Variants in KAT2B observed in about 807,000 individuals in gnomAD.
KAT2B encodes histone acetyltransferase KAT2B.
In KAT2B, 36 loss-of-function variants were observed where a neutral mutation model predicts 105.9. That is an observed-to-expected ratio of 0.34 (90% confidence interval 0.26 to 0.45). The LOEUF (loss-of-function observed/expected upper bound fraction) is 0.45. Ranked by LOEUF, KAT2B falls within the 20% of genes least tolerant of loss-of-function variation. KAT2B has a pLI of 1.00. For synonymous variants in KAT2B, 397 were observed against 377.9 expected (o/e 1.05, Z -0.59); for missense variants, 820 against 1,021.6 (o/e 0.80, Z 2.69).
In KAT2B at chr3:20,122,738, T is replaced by G. The variant is rs377475879; in HGVS notation, c.1347T>G (p.Ile449Met). 23 of 1,613,902 alleles carry G rather than the reference T, an allele frequency of 1.4e-5. No individual in the cohort carries two copies. The highest frequency in any genetic ancestry group is 1.9e-5 in the Non-Finnish European group (22 of 1,179,932). ...AGAAACCCCGAGTTATGGGGGATATTCCGATGGAATTAATCAACGAGGTTA... is the reference window on the plus strand; with the variant it reads ...AGAAACCCCGAGTTATGGGGGATATGCCGATGGAATTAATCAACGAGGTTA... ...EAKKPRVMGD[I>M]PMELINEVMS... is the part of the protein sequence containing the mutation. Residue 449 changes from isoleucine to methionine, a missense_variant, in exon 9 of 18, where the codon ATT (isoleucine) becomes ATG (methionine). Ile to Met is a conservative substitution (Grantham distance 10). Around this residue, in one of 6 missense-constraint regions of KAT2B, gnomAD observed 225 missense variants for 268.1 expected, o/e 0.84. Transcript: ENST00000263754.
chr3:20,077,002 G>C lies in KAT2B; in HGVS notation c.430+4543G>C, dbSNP rs1698431814. Among the ~76,000 whole-genome samples, 3 of 152,140 alleles carry C rather than the reference G, an allele frequency of 2.0e-5. No homozygotes were observed. In the South Asian group the frequency reaches 6.2e-4, roughly 31 times the overall value. ...ATTGATTAAATGTTGGGTTTCTTTT[G>C]CCTCAGCCATATATGTTCTTTGGAG... On this transcript the variant is annotated intron_variant, in intron 2 of 17. Transcript: ENST00000263754.
Position 20,136,938 on chromosome 3 carries a change from A to C in KAT2B, c.1750-4A>C, listed in dbSNP as rs753142128. ...TATTTGTTTGTATACTAACTTCCAC[A>C]CAGGGCTATGGAACACACCTGATGA... On this transcript the variant is annotated splice_polypyrimidine_tract_variant and splice_region_variant and intron_variant, in intron 11 of 17. Transcript: ENST00000263754. 2 of 1,554,638 alleles carry C rather than the reference A, an allele frequency of 1.3e-6. No individual in the cohort carries two copies. Among genetic ancestry groups the C allele is most frequent in the Non-Finnish European group, 1.8e-6 (2 of 1,127,768 alleles).
intron 3 of KAT2B, among the ~76,000 whole-genome samples, chr3:20,097,715 T>G (rs1343118474): frequency 1.3e-5 from 2 of 152,050 alleles, no homozygotes; most frequent in African/African-American, 4.8e-5. Context: ...ATTTGTATTT[T>G]TAGTAGAGAT....
intron 8 of KAT2B, among the ~76,000 whole-genome samples, chr3:20,121,428 G>A (rs1399410604): frequency 2.6e-5 from 4 of 152,140 alleles, no homozygotes; most frequent in African/African-American, 9.6e-5. Context: ...AACCAAACAT[G>A]AGAATAGAAA....
chr3:20,098,331 G>A (rs749164160), intron 3 of KAT2B, among the ~76,000 whole-genome samples: 3 of 152,034 alleles, frequency 2.0e-5, no homozygotes, highest in African/African-American at 4.8e-5. Flanking sequence ...CAAATGTGGC[G>A]CTGGAGTCTA....
chr3:20,151,056 C>T (rs528244267), intron 17 of KAT2B, among the ~76,000 whole-genome samples: 57 of 152,284 alleles, frequency 3.7e-4, no homozygotes, highest in Non-Finnish European at 6.8e-4. Flanking sequence ...TTGATCTGTT[C>T]AGTCACACTT....
At chr3:20,071,290 G>A (rs952238554) in intron 1 of KAT2B, among the ~76,000 whole-genome samples, 1 of 152,216 alleles carries the variant, frequency 6.6e-6, no homozygotes, top group Non-Finnish European at 1.5e-5. Flanking sequence ...GATAGTATAT[G>A]TAGATGGCTC....
intron 17 of KAT2B, among the ~76,000 whole-genome samples, chr3:20,150,068 C>T (rs1008134337): frequency 1.3e-5 from 2 of 152,144 alleles, no homozygotes; most frequent in East Asian, 1.9e-4. Flanking sequence ...TGGTCCCACC[C>T]GTGAAGGTTG....
intron 11 of KAT2B, among the ~76,000 whole-genome samples, chr3:20,127,767 G>T (rs1388233138): frequency 6.6e-6 from 1 of 152,164 alleles, no homozygotes; most frequent in African/African-American, 2.4e-5. Context: ...GTCAGATTAG[G>T]GCTATGATTT....
intron 9 of KAT2B, 89 bp downstream of exon 9, chr3:20,122,893 G>T: frequency 1.2e-5 from 18 of 1,502,706 alleles, no homozygotes; most frequent in Non-Finnish European, 8.9e-7. Context: ...TGCTAATGCT[G>T]AGAGTTAACA....
chr3:20,148,535 C>A (rs750453204), intron 17 of KAT2B, 48 bp downstream of exon 17: 1 of 1,319,482 alleles, frequency 7.6e-7, no homozygotes, highest in Non-Finnish European at 1.1e-6. Context: ...CTCTGGATGG[C>A]GGTGTGGGGG....
At chr3:20,062,025 CATAATATATATTATATATAAAACAT>C (rs1559513965) in intron 1 of KAT2B, among the ~76,000 whole-genome samples, 14 of 36,856 alleles carry the variant, frequency 3.8e-4, no homozygotes, top group East Asian at 3.7e-3. Context: ...ATATATAAAA[CATAATATATATTATATATAAAACAT>C]ATAATATATA....
chr3:20,058,404 G>A (rs770602277), intron 1 of KAT2B, among the ~76,000 whole-genome samples: 5 of 140,654 alleles, frequency 3.6e-5, no homozygotes, highest in Non-Finnish European at 7.5e-5. Context: ...GCAGTGAGCC[G>A]AGATTGCGCC....
In KAT2B at chr3:20,069,678, A is replaced by G. The variant is rs997137545; in HGVS notation, c.304-2655A>G. ...GTAGTTGGGATTACAGGTGGCTGCC[A>G]CCATACCCGGCTAATTTTTGTATTT... On this transcript the variant is annotated intron_variant, in intron 1 of 17. Coordinates refer to ENST00000263754, the MANE Select transcript of KAT2B (RefSeq NM_003884.5). Among the ~76,000 whole-genome samples the G allele has an allele frequency of 1.3e-4, 19 of 151,742 alleles. 1 individual carries two copies. The highest frequency in any genetic ancestry group is 4.6e-4 in the African/African-American group (19 of 41,280).
intron 1 of KAT2B, among the ~76,000 whole-genome samples, chr3:20,062,232 A>C (rs1206990272): frequency 1.9e-5 from 1 of 53,018 alleles, no homozygotes; most frequent in African/African-American, 7.4e-5. Context: ...ATAAAAATAT[A>C]TATAAAATAT....
At chr3:20,076,985 A>C (rs1430714799) in intron 2 of KAT2B, among the ~76,000 whole-genome samples, 1 of 152,160 alleles carries the variant, frequency 6.6e-6, no homozygotes, top group African/African-American at 2.4e-5. Context: ...CTATTGATTA[A>C]ATGTTGGGTT....
At chr3:20,059,085 A>G (rs188956833) in intron 1 of KAT2B, among the ~76,000 whole-genome samples, 1 of 152,324 alleles carries the variant, frequency 6.6e-6, no homozygotes, top group African/African-American at 2.4e-5. Context: ...CCAGCTGCTT[A>G]CAGTGGACTC....
At chr3:20,075,092 C>T (rs1390667665) in intron 2 of KAT2B, among the ~76,000 whole-genome samples, 3 of 151,938 alleles carry the variant, frequency 2.0e-5, no homozygotes, top group South Asian at 2.1e-4. Flanking sequence ...GGTGAAACCC[C>T]GTCTCTACTA....
At chr3:20,152,099 G>A (rs938016322) in intron 17 of KAT2B, among the ~76,000 whole-genome samples, 1 of 151,960 alleles carries the variant, frequency 6.6e-6, no homozygotes, top group Non-Finnish European at 1.5e-5. Flanking sequence ...ACTAATAATG[G>A]TCCCTTTAAT....
Sources: gnomAD v4.1 joint callset for allele counts (sites outside exome capture counted in the v4.1 genomes callset) on GRCh38, gnomAD v4.1.1 for gene constraint, gnomAD v4.1.1 regional missense constraint, MANE v1.5 for transcripts, NCBI Gene and HGNC (gene_info 2026-07-23, HGNC 2026-07-21) for gene names.